The following TNS3 variants were observed in gnomAD, a reference collection of about 807,000 sequenced individuals.
TNS3 encodes the protein tensin 3.
Under a neutral mutation model 140.9 loss-of-function variants are expected in TNS3, and 45 were observed. That is an observed-to-expected ratio of 0.32 (90% confidence interval 0.25 to 0.41). TNS3 has a LOEUF of 0.41. Among genes scored for constraint, TNS3 ranks in the 10% least tolerant of loss-of-function variants. The pLI is 1.00. For missense variants in TNS3, 1,716 were observed against 1,906.7 expected (o/e 0.90, Z 1.86); for synonymous variants, 815 against 788.4 (o/e 1.03, Z -0.56).
chr7:47,476,498 C>T (rs144651004), intron 4 of TNS3, among the ~76,000 whole-genome samples: 10 of 152,348 alleles, frequency 6.6e-5, no homozygotes, highest in African/African-American at 2.2e-4. Context: ...CAGAAGACCA[C>T]AGCCCATAGA....
chr7:47,407,194 G>A lies in TNS3; in HGVS notation c.723+4533C>T, dbSNP rs1584586975. ...AAAGATGCACTCCCGACTCTGATGG[G>A]AGTGCTGGCAGTGACACCCTGGGTT... On this transcript the variant is annotated intron_variant, in intron 13 of 30. Transcript: ENST00000311160. The surrounding 1 kb of genome is among the most constrained non-coding windows in gnomAD (Gnocchi z 4.1). Among the ~76,000 whole-genome samples the A allele has an allele frequency of 6.6e-6, 1 of 152,298 alleles. No individual in the cohort carries two copies. Among genetic ancestry groups the A allele is most frequent in the East Asian group, 1.9e-4 (1 of 5,182 alleles).
intron 1 of TNS3, among the ~76,000 whole-genome samples, chr7:47,576,326 C>T (rs994217327): frequency 2.0e-5 from 3 of 152,126 alleles, no homozygotes; most frequent in East Asian, 1.9e-4. Context: ...CCCTGAGCTC[C>T]GGAACCAGTG....
intron 5 of TNS3, among the ~76,000 whole-genome samples, chr7:47,439,947 A>C (rs1161368211): frequency 6.6e-6 from 1 of 152,130 alleles, no homozygotes; most frequent in Non-Finnish European, 1.5e-5. Flanking sequence ...GCAGTGACGC[A>C]TGGGCTCAAA....
intron 17 of TNS3, among the ~76,000 whole-genome samples, chr7:47,352,257 G>A (rs1039263024): frequency 4.6e-5 from 7 of 152,020 alleles, no homozygotes; most frequent in South Asian, 2.1e-4. Context: ...ACTCACACAC[G>A]TGCAGTCTCT....
At chr7:47,282,722 C>G (rs1487516800) in intron 28 of TNS3, among the ~76,000 whole-genome samples, 1 of 152,180 alleles carries the variant, frequency 6.6e-6, no homozygotes, top group Non-Finnish European at 1.5e-5. Context: ...GTCAGGGGCA[C>G]TGAACGGGTC....
intron 6 of TNS3, among the ~76,000 whole-genome samples, chr7:47,438,666 C>T (rs1051961676): frequency 6.6e-6 from 1 of 152,120 alleles, no homozygotes; most frequent in African/African-American, 2.4e-5. Context: ...CAGGGCTGCT[C>T]TGGCATCAGA....
intron 1 of TNS3, among the ~76,000 whole-genome samples, chr7:47,533,124 T>TATATATATATATATATATATATATATA (rs56661018): frequency 1.1e-4 from 3 of 26,976 alleles, no homozygotes; most frequent in African/African-American, 2.9e-4. Flanking sequence ...TATATATATA[T>TATATATATATATATATATATATATATA]TTTTTTTTTT....
At position 47,407,722 on chromosome 7, in the gene TNS3, T is replaced by C. The variant is rs1793526221; in HGVS notation, c.723+4005A>G. Among the ~76,000 whole-genome samples, 2 of 152,254 alleles carry C rather than the reference T, an allele frequency of 1.3e-5. No individual in the cohort carries two copies. Among genetic ancestry groups the C allele is most frequent in the South Asian group, 4.1e-4 (2 of 4,820 alleles). ...GGTCATTAGGCTGGGCCCGAATGAATGATAACTGGTGTCCTTGTAAGAAGA... is the reference window on the plus strand; with the variant it reads ...GGTCATTAGGCTGGGCCCGAATGAACGATAACTGGTGTCCTTGTAAGAAGA... On this transcript the variant is annotated intron_variant, in intron 13 of 30. Coordinates refer to ENST00000311160, the MANE Select transcript of TNS3 (RefSeq NM_022748.12). This position sits in a 1 kb window ranked among gnomAD's most constrained non-coding sequence, Gnocchi z 4.1.
intron 4 of TNS3, chr7:47,453,246 T>A (rs555559626): frequency 5.1e-6 from 5 of 985,478 alleles, no homozygotes; most frequent in Non-Finnish European, 4.8e-6. Flanking sequence ...AGGGCCAGCC[T>A]GCCAAGGGCC....
intron 1 of TNS3, among the ~76,000 whole-genome samples, chr7:47,568,623 T>C (rs1218280897): frequency 6.6e-6 from 1 of 152,254 alleles, no homozygotes. Context: ...CTTCCCTGCC[T>C]GCGGCCTCCA....
intron 20 of TNS3, among the ~76,000 whole-genome samples, chr7:47,326,817 G>A (rs1405903829): frequency 6.6e-6 from 1 of 152,170 alleles, no homozygotes; most frequent in African/African-American, 2.4e-5. Flanking sequence ...ATCAGCTGGA[G>A]AGCAATCCAT....
At chr7:47,404,021 C>A (rs1281422735) in intron 13 of TNS3, among the ~76,000 whole-genome samples, 1 of 152,218 alleles carries the variant, frequency 6.6e-6, no homozygotes, top group Non-Finnish European at 1.5e-5. Flanking sequence ...ACTTTATTTA[C>A]CTGGGTCTCC....
intron 4 of TNS3, among the ~76,000 whole-genome samples, chr7:47,466,074 G>A (rs1215032423): frequency 6.6e-6 from 1 of 151,966 alleles, no homozygotes; most frequent in Non-Finnish European, 1.5e-5. Flanking sequence ...CGTGTTTTGG[G>A]GTTGTTTGGA....
At chr7:47,554,727 G>A (rs1800151012) in intron 1 of TNS3, among the ~76,000 whole-genome samples, 1 of 152,162 alleles carries the variant, frequency 6.6e-6, no homozygotes. Context: ...AGCAAAGAAA[G>A]TGGTTTCTTA....
chr7:47,406,051 T>A (rs991036943), intron 13 of TNS3, among the ~76,000 whole-genome samples: 1 of 152,174 alleles, frequency 6.6e-6, no homozygotes. Flanking sequence ...ATGAGCCCGC[T>A]GCCCGCATGA....
chr7:47,449,759 C>A (rs1014843765), intron 4 of TNS3, among the ~76,000 whole-genome samples: 1 of 152,190 alleles, frequency 6.6e-6, no homozygotes, highest in Admixed American at 6.5e-5. Context: ...GCGCCCGCCA[C>A]CACACCCGGC....
chr7:47,408,696 A>G (rs1358735664), intron 13 of TNS3, among the ~76,000 whole-genome samples: 3 of 152,218 alleles, frequency 2.0e-5, no homozygotes, highest in Non-Finnish European at 2.9e-5. Flanking sequence ...AAATATGCAA[A>G]TATGTAAGCC....
chr7:47,461,649 A>C (rs1465224886), intron 4 of TNS3, among the ~76,000 whole-genome samples: 1 of 152,254 alleles, frequency 6.6e-6, no homozygotes, highest in Non-Finnish European at 1.5e-5. Flanking sequence ...TTCTTCTGTC[A>C]ATTCAAAAGC....
chr7:47,485,468 G>A (rs1797577234), intron 3 of TNS3, among the ~76,000 whole-genome samples: 1 of 152,234 alleles, frequency 6.6e-6, no homozygotes, highest in South Asian at 2.1e-4. Flanking sequence ...CTCCTCTCCT[G>A]ATAGGAGCTG....
Sources: allele counts gnomAD v4.1 joint callset (sites outside exome capture counted in the v4.1 genomes callset), GRCh38; gene constraint gnomAD v4.1.1; non-coding constraint Gnocchi (gnomAD v3.1); transcripts MANE v1.5; gene names NCBI Gene and HGNC (gene_info 2026-07-23, HGNC 2026-07-21).